Variants in NCMAP observed in about 807,000 individuals in gnomAD.
NCMAP encodes the protein non-compact myelin associated protein.
Under a neutral mutation model 7.8 loss-of-function variants are expected in NCMAP, and 8 were observed. The observed-to-expected ratio is 1.02, with a 90% CI of 0.60 to 1.84. The LOEUF (loss-of-function observed/expected upper bound fraction) is 1.84, where lower values mean the gene tolerates loss of function less well. Ranked by LOEUF, NCMAP falls within the 40% of genes most tolerant of loss-of-function variation. The pLI is 0.00. For synonymous variants in NCMAP, 41 were observed against 52.9 expected (o/e 0.78, Z 0.98); for missense variants, 112 against 131.4 (o/e 0.85, Z 0.72).
At position 24,576,429 on chromosome 1, in the gene NCMAP, C is replaced by T. The variant is rs1349346950; in HGVS notation, c.-7-18995C>T. 1.3e-5 allele frequency among the ~76,000 whole-genome samples: 2 copies of T among 152,188 alleles called. No homozygotes were observed. Among genetic ancestry groups the T allele is most frequent in the African/African-American group, 4.8e-5 (2 of 41,454 alleles). On this transcript the variant is annotated intron_variant, in intron 1 of 3. Transcript: ENST00000374392. The surrounding 1 kb of genome is among the most constrained non-coding windows in gnomAD (Gnocchi z 4.0). Reference sequence around the variant, plus strand: ...AACGGCTGGGATTGTTTCCCCAACTCCTGTCCTCTCTGGAGTCCAGCGGCT... The same window carrying T: ...AACGGCTGGGATTGTTTCCCCAACTTCTGTCCTCTCTGGAGTCCAGCGGCT...
intron 1 of NCMAP, among the ~76,000 whole-genome samples, chr1:24,564,520 AAAAAAAAAAAAAC>A (rs1460791722): frequency 4.1e-5 from 6 of 147,464 alleles, no homozygotes; most frequent in African/African-American, 1.3e-4. Context: ...TCTCAAAAAA[AAAAAAAAAAAAAC>A]AAAAAAAAAC....
intron 1 of NCMAP, among the ~76,000 whole-genome samples, chr1:24,571,927 G>A (rs1459865792): frequency 6.6e-6 from 1 of 150,902 alleles, no homozygotes; most frequent in Non-Finnish European, 1.5e-5. Context: ...CTTTTATTTT[G>A]TCCTAAGTCT....
chr1:24,588,730 C>G (rs939287855), intron 1 of NCMAP, among the ~76,000 whole-genome samples: 1 of 152,154 alleles, frequency 6.6e-6, no homozygotes, highest in South Asian at 2.1e-4. Context: ...AACAACAGTC[C>G]CTTGTAGATT....
chr1:24,597,784 G>A (rs1319217377), intron 2 of NCMAP, among the ~76,000 whole-genome samples: 1 of 152,088 alleles, frequency 6.6e-6, no homozygotes, highest in Non-Finnish European at 1.5e-5. Flanking sequence ...AATATAGAAT[G>A]CCCAGTTAAA....
At chr1:24,604,606 ATATATATATATATATATATATATATATAT>A (rs1652645981) in intron 3 of NCMAP, among the ~76,000 whole-genome samples, 2 of 6,798 alleles carry the variant, frequency 2.9e-4, no homozygotes, top group South Asian at 9.6e-3. Flanking sequence ...AAAAAAAAAA[ATATATATATATATATATATATATATATAT>A]ATATATATAT....
intron 3 of NCMAP, among the ~76,000 whole-genome samples, chr1:24,602,604 T>C (rs1218092946): frequency 7.0e-6 from 1 of 142,266 alleles, no homozygotes; most frequent in African/African-American, 2.6e-5. Flanking sequence ...AATATGAATA[T>C]TATTTATAAA....
Position 24,608,321 on chromosome 1 carries a change from A to C in NCMAP, c.*2574A>C, listed in dbSNP as rs1652827998. ...AGCACAGATTCTTTATGGGCTGAAC[A>C]AGGGGAGTACGGGTTTGTCCATGTG... On this transcript the variant is annotated 3_prime_UTR_variant, in exon 4 of 4. Coordinates refer to ENST00000374392, the MANE Select transcript of NCMAP (RefSeq NM_001010980.5). 1 of 152,224 alleles carries C rather than the reference A, an allele frequency of 6.6e-6. No individual in the cohort carries two copies. The highest frequency in any genetic ancestry group is 6.5e-5 in the Admixed American group (1 of 15,268). The allele number at this position is 152,224 out of a possible 1,614,324, so 9.4% of individuals were successfully genotyped here.
intron 1 of NCMAP, among the ~76,000 whole-genome samples, chr1:24,563,214 G>T (rs1204764064): frequency 1.3e-5 from 2 of 152,178 alleles, no homozygotes; most frequent in Non-Finnish European, 2.9e-5. Context: ...TGAAGCAACG[G>T]TGGCCAAAAT....
chr1:24,591,317 G>A (rs1652041512), intron 1 of NCMAP, among the ~76,000 whole-genome samples: 1 of 152,168 alleles, frequency 6.6e-6, no homozygotes, highest in Admixed American at 6.5e-5. Context: ...CCAGGCTGGA[G>A]TGCAGTGGCG....
intron 1 of NCMAP, among the ~76,000 whole-genome samples, chr1:24,557,672 C>T (rs1260462251): frequency 6.6e-6 from 1 of 152,110 alleles, no homozygotes; most frequent in Non-Finnish European, 1.5e-5. Context: ...ACCAAAGGAC[C>T]ATGAATGCCT....
Position 24,596,576 on chromosome 1 carries a change from CG to C in NCMAP, c.82+1070del, listed in dbSNP as rs561543932. On this transcript the variant is annotated intron_variant, in intron 2 of 3. Transcript: ENST00000374392. The stretch of plus-strand genomic sequence containing the variant: ...TGACGCTCCTGGAGTCCCAGCTACA[CG>C]GGGGGTGCTGAGGCAGGAGGATCGC... Among the ~76,000 whole-genome samples, 5 of 152,078 alleles carry C rather than the reference CG, an allele frequency of 3.3e-5. No homozygotes were observed. The South Asian group carries it at 1.0e-3, about 32-fold the overall frequency.
intron 3 of NCMAP, among the ~76,000 whole-genome samples, chr1:24,602,161 A>G (rs1652522111): frequency 6.6e-6 from 1 of 152,192 alleles, no homozygotes; most frequent in Non-Finnish European, 1.5e-5. Context: ...AATCATACAC[A>G]TAGGTTACCC....
chr1:24,589,190 C>CATT (rs1283159269), intron 1 of NCMAP, among the ~76,000 whole-genome samples: 3 of 151,940 alleles, frequency 2.0e-5, no homozygotes, highest in Admixed American at 6.6e-5. Flanking sequence ...ACACATAGCG[C>CATT]ATTATTATTA....
At chr1:24,581,610 G>A (rs547761774) in intron 1 of NCMAP, among the ~76,000 whole-genome samples, 4 of 152,194 alleles carry the variant, frequency 2.6e-5, no homozygotes, top group Non-Finnish European at 5.9e-5. Flanking sequence ...CTGCCTGTCT[G>A]GGAAAGAGAG....
chr1:24,601,408 C>A (rs1652483522), intron 3 of NCMAP, among the ~76,000 whole-genome samples: 1 of 152,130 alleles, frequency 6.6e-6, no homozygotes, highest in Non-Finnish European at 1.5e-5. Flanking sequence ...AGCATGTACC[C>A]TGACTCTGCT....
intron 3 of NCMAP, among the ~76,000 whole-genome samples, 172 bp from the exon 4 acceptor site, chr1:24,605,434 T>G (rs147824622): frequency 6.6e-6 from 1 of 152,342 alleles, no homozygotes; most frequent in Non-Finnish European, 1.5e-5. Context: ...GCAGACTAGC[T>G]GATGCCTAAG....
At chr1:24,586,188 C>G (rs1651874353) in intron 1 of NCMAP, among the ~76,000 whole-genome samples, 1 of 152,164 alleles carries the variant, frequency 6.6e-6, no homozygotes, top group Admixed American at 6.5e-5. Context: ...AGATGAAAAT[C>G]CAGGTCTAGG....
intron 1 of NCMAP, among the ~76,000 whole-genome samples, chr1:24,568,320 G>C (rs1651287279): frequency 6.6e-6 from 1 of 152,232 alleles, no homozygotes; most frequent in African/African-American, 2.4e-5. Context: ...ACAAGTTCTA[G>C]TTATTCCTTT....
At chr1:24,603,835 T>C (rs887998135) in intron 3 of NCMAP, among the ~76,000 whole-genome samples, 1 of 152,214 alleles carries the variant, frequency 6.6e-6, no homozygotes, top group Non-Finnish European at 1.5e-5. Context: ...TTGTTAGTAA[T>C]TAGTCAATTG....
Sources: allele counts gnomAD v4.1 joint callset (sites outside exome capture counted in the v4.1 genomes callset), GRCh38; gene constraint gnomAD v4.1.1; non-coding constraint Gnocchi (gnomAD v3.1); transcripts MANE v1.5; gene names NCBI Gene and HGNC (gene_info 2026-07-23, HGNC 2026-07-21).